Variants in ADAMTS2 observed in about 807,000 individuals in gnomAD.
The protein encoded by ADAMTS2 is ADAM metallopeptidase with thrombospondin type 1 motif 2.
ADAMTS2 carries 50 observed loss-of-function variants against 123.0 expected under a neutral mutation model. The observed-to-expected ratio is 0.41, with a 90% CI of 0.32 to 0.51. The LOEUF is 0.51. ADAMTS2 is among the 20% of genes least tolerant of loss of function. The probability of loss-of-function intolerance (pLI) is 0.35; values close to 1 mark genes in which losing one functional copy is unlikely to be tolerated. For synonymous variants in ADAMTS2, 678 were observed against 695.4 expected (o/e 0.98, Z 0.39); for missense variants, 1,494 against 1,705.2 (o/e 0.88, Z 2.18).
Position 179,125,979 on chromosome 5 carries a change from C to T in ADAMTS2, c.2750+19G>A, listed in dbSNP as rs752174628. 2.5e-6 allele frequency: 4 copies of T among 1,613,224 alleles called. No homozygotes were observed. In the South Asian group the frequency reaches 3.3e-5, roughly 13 times the overall value. Reference sequence around the variant, plus strand: ...CTGGCCTGTCTCCTCTAGTGGGAGCCCGAGCTGGGGGCACTCACACTGGCT... The same window carrying T: ...CTGGCCTGTCTCCTCTAGTGGGAGCTCGAGCTGGGGGCACTCACACTGGCT... On this transcript the variant is annotated intron_variant, in intron 18 of 21. Coordinates refer to ENST00000251582, the MANE Select transcript of ADAMTS2 (RefSeq NM_014244.5).
chr5:179,312,219 G>C lies in ADAMTS2; in HGVS notation c.534+31548C>G, dbSNP rs1756853208. On this transcript the variant is annotated intron_variant, in intron 2 of 21. Transcript: ENST00000251582. The surrounding 1 kb of genome is among the most constrained non-coding windows in gnomAD (Gnocchi z 4.2). ...GATGCGGTGAGTCCAAGGATCCTGA[G>C]ATGGAGTGACTGCTGGATTTTCCGG... Among the ~76,000 whole-genome samples the C allele has an allele frequency of 1.3e-5, 2 of 152,164 alleles. No homozygotes were observed. The highest frequency in any genetic ancestry group is 6.5e-5 in the Admixed American group (1 of 15,282).
intron 2 of ADAMTS2, among the ~76,000 whole-genome samples, chr5:179,339,406 G>C (rs1342422052): frequency 2.0e-5 from 3 of 152,216 alleles, no homozygotes; most frequent in African/African-American, 4.8e-5. Flanking sequence ...GAAATGGATA[G>C]CATGCTCTGA....
chr5:179,259,819 G>A (rs1226777901), intron 3 of ADAMTS2, among the ~76,000 whole-genome samples: 3 of 152,212 alleles, frequency 2.0e-5, no homozygotes, highest in Non-Finnish European at 4.4e-5. Flanking sequence ...CCCAATTTTG[G>A]CCACTGTGCA....
intron 5 of ADAMTS2, among the ~76,000 whole-genome samples, chr5:179,161,630 G>A (rs903103520): frequency 3.9e-5 from 6 of 152,138 alleles, no homozygotes; most frequent in East Asian, 1.9e-4. Context: ...GCCGGAAAGC[G>A]CCTGGAATCC....
intron 4 of ADAMTS2, among the ~76,000 whole-genome samples, chr5:179,182,328 G>T (rs1223492801): frequency 6.6e-6 from 1 of 152,132 alleles, no homozygotes; most frequent in African/African-American, 2.4e-5. Context: ...TGCAGACCGA[G>T]CCCAGGGGCT....
chr5:179,127,272 G>C (rs1045327556), intron 17 of ADAMTS2, among the ~76,000 whole-genome samples: 2 of 152,106 alleles, frequency 1.3e-5, no homozygotes, highest in Non-Finnish European at 2.9e-5. Context: ...GTGTGGGGCC[G>C]GGGGTGCCCA....
chr5:179,190,780 T>G (rs1168725616), intron 4 of ADAMTS2, among the ~76,000 whole-genome samples: 1 of 152,264 alleles, frequency 6.6e-6, no homozygotes, highest in Admixed American at 6.5e-5. Flanking sequence ...CCAAGCTGTT[T>G]CCCTGGGACC....
intron 2 of ADAMTS2, among the ~76,000 whole-genome samples, chr5:179,302,285 C>T (rs1182427739): frequency 6.7e-6 from 1 of 149,500 alleles, no homozygotes. Flanking sequence ...CACAGTGAAA[C>T]CCCGTCTCTA....
At chr5:179,222,221 C>T (rs865832888) in intron 3 of ADAMTS2, among the ~76,000 whole-genome samples, 1 of 152,228 alleles carries the variant, frequency 6.6e-6, no homozygotes, top group Non-Finnish European at 1.5e-5. Context: ...ATCCCAGCTG[C>T]AGTTGAGGAG....
chr5:179,129,218 G>A lies in ADAMTS2; in HGVS notation c.2457+714C>T, dbSNP rs1198559833. ...CCAGAAGTCACTGCAGGCGAGGCAG[G>A]CAGGGTGCCAGGGGGTACACGGGGC... On this transcript the variant is annotated intron_variant, in intron 16 of 21. Transcript: ENST00000251582. This position sits in a 1 kb window ranked among gnomAD's most constrained non-coding sequence, Gnocchi z 4.1. Among the ~76,000 whole-genome samples the A allele has an allele frequency of 6.6e-6, 1 of 152,192 alleles. No individual in the cohort carries two copies. The highest frequency in any genetic ancestry group is 1.5e-5 in the Non-Finnish European group (1 of 68,046).
rs927216386 is a variant in ADAMTS2 at position 179,128,788 on chromosome 5, C to T, written c.2458-670G>A. Among the ~76,000 whole-genome samples the T allele has an allele frequency of 1.8e-4, 28 of 152,162 alleles. No homozygotes were observed. Among genetic ancestry groups the T allele is most frequent in the African/African-American group, 5.8e-4 (24 of 41,442 alleles). ...AATCGCACTGCAGCCCATGCCTGAA[C>T]GAAGCTTATTCAACACATGTATTTT... is the stretch of plus-strand genomic sequence containing the variant. On this transcript the variant is annotated intron_variant, in intron 16 of 21. Coordinates refer to ENST00000251582, the MANE Select transcript of ADAMTS2 (RefSeq NM_014244.5). This position sits in a 1 kb window ranked among gnomAD's most constrained non-coding sequence, Gnocchi z 4.9.
intron 10 of ADAMTS2, among the ~76,000 whole-genome samples, chr5:179,147,944 C>T (rs1489002446): frequency 6.6e-6 from 1 of 152,176 alleles, no homozygotes; most frequent in Non-Finnish European, 1.5e-5. Flanking sequence ...CATGTAAACA[C>T]ATGGCTTGGC....
rs116594493 is a variant in ADAMTS2 at position 179,225,183 on chromosome 5, C to T, written c.689-17468G>A. ...GCTCCTCCTCCCTCTCATGGACTCTCAATTCAGCCCCGCACAGCCAAGGGC... is the reference window on the plus strand; with the variant it reads ...GCTCCTCCTCCCTCTCATGGACTCTTAATTCAGCCCCGCACAGCCAAGGGC... On this transcript the variant is annotated intron_variant, in intron 3 of 21. Coordinates refer to ENST00000251582, the MANE Select transcript of ADAMTS2 (RefSeq NM_014244.5). This position sits in a 1 kb window ranked among gnomAD's most constrained non-coding sequence, Gnocchi z 4.5. 0.027 allele frequency among the ~76,000 whole-genome samples: 4,075 copies of T among 152,300 alleles called. 197 individuals are homozygous for T. Among genetic ancestry groups the T allele is most frequent in the African/African-American group, 0.091 (3,773 of 41,542 alleles).
chr5:179,232,783 T>C (rs1395812294), intron 3 of ADAMTS2, among the ~76,000 whole-genome samples: 1 of 152,150 alleles, frequency 6.6e-6, no homozygotes, highest in Non-Finnish European at 1.5e-5. Flanking sequence ...CAATACCTTT[T>C]TTTTTTTAAT....
At chr5:179,296,591 G>A (rs577542528) in intron 2 of ADAMTS2, among the ~76,000 whole-genome samples, 21 of 152,234 alleles carry the variant, frequency 1.4e-4, no homozygotes, top group South Asian at 4.2e-4. Context: ...AGTGGCATCC[G>A]ACTCGGATAA....
intron 3 of ADAMTS2, among the ~76,000 whole-genome samples, chr5:179,259,875 G>A (rs1015072068): frequency 6.6e-6 from 1 of 152,212 alleles, no homozygotes; most frequent in Non-Finnish European, 1.5e-5. Flanking sequence ...AGCTCCATGA[G>A]ACCACAGGGA....
chr5:179,310,004 G>A (rs1238032059), intron 2 of ADAMTS2, among the ~76,000 whole-genome samples: 2 of 152,176 alleles, frequency 1.3e-5, no homozygotes, highest in African/African-American at 4.8e-5. Context: ...GGGAGGCCTT[G>A]GGAGTAGCCT....
chr5:179,189,262 G>C lies in ADAMTS2; in HGVS notation c.892-8107C>G, dbSNP rs1319612459. ...GCTTTTTAATCACCTGGGTGCAGGTGGGCTGAGTCCAAAAAGAGAGTCAGC... is the reference window on the plus strand; with the variant it reads ...GCTTTTTAATCACCTGGGTGCAGGTCGGCTGAGTCCAAAAAGAGAGTCAGC... On this transcript the variant is annotated intron_variant, in intron 4 of 21. Coordinates refer to ENST00000251582, the MANE Select transcript of ADAMTS2 (RefSeq NM_014244.5). The surrounding 1 kb of genome is among the most constrained non-coding windows in gnomAD (Gnocchi z 4.2). Among the ~76,000 whole-genome samples the C allele has an allele frequency of 6.6e-6, 1 of 152,152 alleles. No homozygotes were observed. The highest frequency in any genetic ancestry group is 1.5e-5 in the Non-Finnish European group (1 of 68,030).
Position 179,308,876 on chromosome 5 carries a change from T to G in ADAMTS2, c.534+34891A>C, listed in dbSNP as rs941043004. Among the ~76,000 whole-genome samples, 2 of 152,198 alleles carry G rather than the reference T, an allele frequency of 1.3e-5. No individual in the cohort carries two copies. The highest frequency in any genetic ancestry group is 6.5e-5 in the Admixed American group (1 of 15,288). On this transcript the variant is annotated intron_variant, in intron 2 of 21. Coordinates refer to ENST00000251582, the MANE Select transcript of ADAMTS2 (RefSeq NM_014244.5). The surrounding 1 kb of genome is among the most constrained non-coding windows in gnomAD (Gnocchi z 6.6). ...ACAGCCACTGAAGCCCTCGGGGTACTGTTCCCTGCCTTTAGCATCCCCCTC... is the reference window on the plus strand; with the variant it reads ...ACAGCCACTGAAGCCCTCGGGGTACGGTTCCCTGCCTTTAGCATCCCCCTC...
Sources: gnomAD v4.1 joint callset for allele counts (sites outside exome capture counted in the v4.1 genomes callset) on GRCh38, gnomAD v4.1.1 for gene constraint, Gnocchi (gnomAD v3.1) non-coding constraint, MANE v1.5 for transcripts, NCBI Gene and HGNC (gene_info 2026-07-23, HGNC 2026-07-21) for gene names.